The following CCSER1 variants were observed in gnomAD, a reference collection of about 807,000 sequenced individuals.
CCSER1 encodes the protein coiled-coil serine rich protein 1, also known as serine-rich coiled-coil domain-containing protein 1.
A neutral mutation model predicts 82.0 loss-of-function variants in CCSER1; 41 were observed. That is an observed-to-expected ratio of 0.50 (90% confidence interval 0.39 to 0.65). The LOEUF (loss-of-function observed/expected upper bound fraction) is 0.65. Among genes scored for constraint, CCSER1 ranks in the 30% least tolerant of loss-of-function variants. The pLI, the probability that CCSER1 is intolerant of heterozygous loss-of-function variation, is 0.00. For synonymous variants in CCSER1, 414 were observed against 383.9 expected (o/e 1.08, Z -0.92); for missense variants, 1,119 against 1,064.2 (o/e 1.05, Z -0.72).
intron 5 of CCSER1, among the ~76,000 whole-genome samples, chr4:90,475,952 G>A (rs1259545303): frequency 1.3e-5 from 2 of 152,114 alleles, no homozygotes; most frequent in South Asian, 2.1e-4. Context: ...TTAATCTTCA[G>A]GGGTCAGCTT....
chr4:90,813,008 A>T (rs1468180104), intron 7 of CCSER1, among the ~76,000 whole-genome samples: 1 of 152,156 alleles, frequency 6.6e-6, no homozygotes, highest in Non-Finnish European at 1.5e-5. Flanking sequence ...CAAATCTCAC[A>T]TTCTTGTCAC....
intron 5 of CCSER1, among the ~76,000 whole-genome samples, chr4:90,542,835 A>G (rs1390088001): frequency 2.0e-5 from 3 of 152,278 alleles, no homozygotes; most frequent in South Asian, 2.1e-4. Flanking sequence ...TTTCTAGCAT[A>G]CATAAACAAA....
At chr4:91,523,165 A>C (rs886292657) in intron 10 of CCSER1, among the ~76,000 whole-genome samples, 1 of 151,964 alleles carries the variant, frequency 6.6e-6, no homozygotes, top group Non-Finnish European at 1.5e-5. Context: ...TGTTTATGTG[A>C]TGGATTATGT....
intron 9 of CCSER1, among the ~76,000 whole-genome samples, chr4:91,082,133 T>C (rs868360134): frequency 1.4e-4 from 22 of 152,148 alleles, no homozygotes; most frequent in Admixed American, 7.2e-4. Flanking sequence ...AAGAACAAAG[T>C]TGGAGGCATC....
intron 1 of CCSER1, among the ~76,000 whole-genome samples, chr4:90,167,640 A>G (rs1168623982): frequency 2.0e-5 from 3 of 151,314 alleles, no homozygotes; most frequent in Non-Finnish European, 4.4e-5. Context: ...CCACCCCACA[A>G]CAGGCCCCGG....
intron 10 of CCSER1, among the ~76,000 whole-genome samples, chr4:91,420,263 A>G (rs550208524): frequency 5.1e-4 from 77 of 152,252 alleles, no homozygotes; most frequent in African/African-American, 1.8e-3. Context: ...TGCAACCTAC[A>G]GAACAGGAGA....
intron 5 of CCSER1, among the ~76,000 whole-genome samples, chr4:90,605,426 G>T (rs7663554): frequency 6.6e-6 from 1 of 151,942 alleles, no homozygotes; most frequent in African/African-American, 2.4e-5. Flanking sequence ...TTAAAGTCAC[G>T]TATTAAATCT....
chr4:90,445,681 TAGA>T (rs1393049544), intron 4 of CCSER1, among the ~76,000 whole-genome samples: 1 of 152,110 alleles, frequency 6.6e-6, no homozygotes, highest in African/African-American at 2.4e-5. Flanking sequence ...AAGAGAGGCC[TAGA>T]AGAAGTTAAG....
chr4:90,506,776 A>AAT (rs1553929416), intron 5 of CCSER1, among the ~76,000 whole-genome samples: 1 of 152,046 alleles, frequency 6.6e-6, no homozygotes, highest in African/African-American at 2.4e-5. Flanking sequence ...AAAAAAAAAA[A>AAT]AAATAAATAA....
chr4:90,755,961 C>T (rs1749456248), intron 7 of CCSER1, among the ~76,000 whole-genome samples: 1 of 152,150 alleles, frequency 6.6e-6, no homozygotes, highest in Non-Finnish European at 1.5e-5. Context: ...CACAGTCGCT[C>T]AGGCCTGTAA....
At chr4:90,613,563 C>G (rs892066571) in intron 5 of CCSER1, among the ~76,000 whole-genome samples, 1 of 152,134 alleles carries the variant, frequency 6.6e-6, no homozygotes, top group Non-Finnish European at 1.5e-5. Flanking sequence ...GAACCATAAT[C>G]TAGGGATTTA....
At chr4:90,710,046 T>C (rs1216569496) in intron 6 of CCSER1, among the ~76,000 whole-genome samples, 1 of 151,986 alleles carries the variant, frequency 6.6e-6, no homozygotes, top group African/African-American at 2.4e-5. Context: ...TCAGTGATGT[T>C]GAGCTTTTTT....
At chr4:91,097,050 G>T (rs1327306240) in intron 10 of CCSER1, among the ~76,000 whole-genome samples, 1 of 152,166 alleles carries the variant, frequency 6.6e-6, no homozygotes, top group African/African-American at 2.4e-5. Flanking sequence ...GACTCCAAGT[G>T]CCAGGTCCTT....
chr4:90,325,298 T>C (rs960105742), intron 3 of CCSER1, among the ~76,000 whole-genome samples: 34 of 152,226 alleles, frequency 2.2e-4, no homozygotes, highest in African/African-American at 8.0e-4. Context: ...ACTGTACTTA[T>C]TTATTAAGAA....
At chr4:90,966,298 C>T (rs1461957275) in intron 9 of CCSER1, among the ~76,000 whole-genome samples, 5 of 151,888 alleles carry the variant, frequency 3.3e-5, no homozygotes, top group Non-Finnish European at 5.9e-5. Flanking sequence ...CATATTTCAA[C>T]ACATAGTAGT....
At chr4:90,491,145 A>T (rs184089630) in intron 5 of CCSER1, among the ~76,000 whole-genome samples, 1 of 144,872 alleles carries the variant, frequency 6.9e-6, no homozygotes, top group Non-Finnish European at 1.5e-5. Flanking sequence ...GATTCTTCCT[A>T]TCCATGAGTA....
chr4:90,164,191 C>G (rs1434633696), intron 1 of CCSER1, among the ~76,000 whole-genome samples: 1 of 151,392 alleles, frequency 6.6e-6, no homozygotes, highest in Non-Finnish European at 1.5e-5. Context: ...CCATGTCACA[C>G]ATTTAATAAG....
intron 6 of CCSER1, among the ~76,000 whole-genome samples, chr4:90,722,480 C>T (rs149928587): frequency 2.9e-4 from 44 of 151,734 alleles, no homozygotes; most frequent in South Asian, 2.1e-4. Flanking sequence ...AATCAGAGAG[C>T]GAGAGTCAGC....
intron 10 of CCSER1, among the ~76,000 whole-genome samples, chr4:91,256,468 C>T (rs1302098288): frequency 1.4e-4 from 21 of 152,176 alleles, no homozygotes; most frequent in Admixed American, 1.4e-3. Context: ...TATTCATACA[C>T]TCCCTCCCCT....
Sources: gnomAD v4.1 joint callset for allele counts (sites outside exome capture counted in the v4.1 genomes callset) on GRCh38, gnomAD v4.1.1 for gene constraint, MANE v1.5 for transcripts, NCBI Gene and HGNC (gene_info 2026-07-23, HGNC 2026-07-21) for gene names.